Variants in SLC9A9 observed in about 807,000 individuals in gnomAD.
SLC9A9 encodes the protein sodium/hydrogen exchanger 9.
Under a neutral mutation model 77.8 loss-of-function variants are expected in SLC9A9, and 62 were observed. The ratio of observed to expected loss-of-function variants is 0.80; its 90% CI spans 0.65 to 0.98. SLC9A9 has a LOEUF of 0.98. Ranked by LOEUF, SLC9A9 falls within the 50% of genes least tolerant of loss-of-function variation. SLC9A9 has a pLI of 0.00. For synonymous variants in SLC9A9, 320 were observed against 283.5 expected, an observed-to-expected ratio of 1.13 and a Z score of -1.29; for missense variants, 775 against 774.9, an observed-to-expected ratio of 1.00 and a Z score of 0.00.
chr3:143,524,856 C>T (rs2108616455), intron 9 of SLC9A9, among the ~76,000 whole-genome samples: 1 of 152,294 alleles, frequency 6.6e-6, no homozygotes, highest in South Asian at 2.1e-4. Flanking sequence ...CCTGCCTCTC[C>T]TGTTTTGCTT....
intron 14 of SLC9A9, among the ~76,000 whole-genome samples, chr3:143,299,329 G>A (rs751859301): frequency 1.5e-4 from 23 of 152,180 alleles, no homozygotes; most frequent in Non-Finnish European, 2.8e-4. Context: ...CTGTATAGGA[G>A]CTCTGAGCAA....
At position 143,452,700 on chromosome 3, in the gene SLC9A9, AAT is replaced by A. The variant is rs1559923326; in HGVS notation, c.1469+14335_1469+14336del. Among the ~76,000 whole-genome samples, 7 of 148,142 alleles carry A rather than the reference AAT, an allele frequency of 4.7e-5. No individual in the cohort carries two copies. In the East Asian group the frequency reaches 1.3e-3, roughly 26 times the overall value. On this transcript the variant is annotated intron_variant, in intron 12 of 15. Coordinates refer to ENST00000316549, the MANE Select transcript of SLC9A9 (RefSeq NM_173653.4). ...AGAGAATGTCCTTATTTCTAGGTGCAATGACGGTACTTTGGTTATCTAAGAGA... is the reference window on the plus strand; with the variant it reads ...AGAGAATGTCCTTATTTCTAGGTGCAGACGGTACTTTGGTTATCTAAGAGA...
At chr3:143,413,220 C>A (rs1341713555) in intron 12 of SLC9A9, among the ~76,000 whole-genome samples, 1 of 152,164 alleles carries the variant, frequency 6.6e-6, no homozygotes, top group Non-Finnish European at 1.5e-5. Context: ...CAGAAGATGG[C>A]TGACTTAGGA....
intron 12 of SLC9A9, among the ~76,000 whole-genome samples, chr3:143,430,189 G>A (rs2034485668): frequency 6.6e-6 from 1 of 152,162 alleles, no homozygotes; most frequent in African/African-American, 2.4e-5. Flanking sequence ...AAGAGAGATA[G>A]GCACCTGGGA....
At chr3:143,334,263 C>T (rs560450317) in intron 14 of SLC9A9, among the ~76,000 whole-genome samples, 1 of 152,166 alleles carries the variant, frequency 6.6e-6, no homozygotes, top group Non-Finnish European at 1.5e-5. Context: ...CCTATAGGTG[C>T]TCAGTCATGG....
chr3:143,480,486 G>A (rs838638), intron 11 of SLC9A9, among the ~76,000 whole-genome samples: 110,143 of 152,152 alleles, frequency 0.72, 40,018 homozygotes, highest in African/African-American at 0.77. Context: ...TTCATTATCC[G>A]AGATGACTTT....
At chr3:143,407,931 G>A (rs2034013919) in intron 12 of SLC9A9, among the ~76,000 whole-genome samples, 2 of 152,308 alleles carry the variant, frequency 1.3e-5, no homozygotes, top group Middle Eastern at 3.4e-3. Flanking sequence ...ACAGAAATTT[G>A]TTTCTCACAG....
At chr3:143,400,130 G>T (rs560484381) in intron 12 of SLC9A9, among the ~76,000 whole-genome samples, 6 of 152,074 alleles carry the variant, frequency 3.9e-5, no homozygotes, top group Non-Finnish European at 7.4e-5. Flanking sequence ...GTGAAAAAAC[G>T]TGCAGCTGGA....
chr3:143,837,765 G>T (rs1356190142), intron 1 of SLC9A9, among the ~76,000 whole-genome samples: 1 of 152,166 alleles, frequency 6.6e-6, no homozygotes, highest in Non-Finnish European at 1.5e-5. Context: ...TCAATAAGAA[G>T]TGAAGGGAAT....
intron 14 of SLC9A9, among the ~76,000 whole-genome samples, chr3:143,281,602 A>G (rs1938223083): frequency 6.6e-6 from 1 of 152,144 alleles, no homozygotes; most frequent in Non-Finnish European, 1.5e-5. Context: ...GTGACTACAG[A>G]GAGTTAGATT....
chr3:143,494,345 C>A (rs1477434025), intron 10 of SLC9A9, among the ~76,000 whole-genome samples: 2 of 152,188 alleles, frequency 1.3e-5, no homozygotes, highest in East Asian at 3.8e-4. Context: ...AATATTGGCG[C>A]TCTTCATCTT....
At chr3:143,581,722 A>C (rs937919911) in intron 6 of SLC9A9, among the ~76,000 whole-genome samples, 1 of 152,212 alleles carries the variant, frequency 6.6e-6, no homozygotes, top group Non-Finnish European at 1.5e-5. Flanking sequence ...GATGCTAACT[A>C]TAAGGACAAC....
At chr3:143,662,645 G>C (rs1354124677) in intron 5 of SLC9A9, among the ~76,000 whole-genome samples, 1 of 152,126 alleles carries the variant, frequency 6.6e-6, no homozygotes, top group African/African-American at 2.4e-5. Flanking sequence ...TACTCCAGGA[G>C]ATTATATCCT....
chr3:143,838,951 G>C (rs898537593), intron 1 of SLC9A9, among the ~76,000 whole-genome samples: 3 of 152,034 alleles, frequency 2.0e-5, no homozygotes, highest in Admixed American at 2.0e-4. Flanking sequence ...TTTTATAAAA[G>C]TCTCTTTTAG....
At chr3:143,655,237 A>G (rs2038867698) in intron 5 of SLC9A9, among the ~76,000 whole-genome samples, 1 of 152,210 alleles carries the variant, frequency 6.6e-6, no homozygotes. Context: ...GACTCTCTGC[A>G]GCACCTCCGC....
intron 6 of SLC9A9, among the ~76,000 whole-genome samples, chr3:143,594,728 T>A (rs2037724484): frequency 6.6e-6 from 1 of 151,932 alleles, no homozygotes. Context: ...TATCTGCACA[T>A]TTTCTTGGCT....
chr3:143,767,487 G>A (rs1372043740), intron 4 of SLC9A9, among the ~76,000 whole-genome samples: 5 of 151,668 alleles, frequency 3.3e-5, no homozygotes, highest in East Asian at 3.9e-4. Flanking sequence ...ACGGACAAAT[G>A]TCTTGTTAAC....
At chr3:143,815,269 T>C (rs1331368574) in intron 2 of SLC9A9, among the ~76,000 whole-genome samples, 1 of 152,182 alleles carries the variant, frequency 6.6e-6, no homozygotes, top group Non-Finnish European at 1.5e-5. Flanking sequence ...AAAAGCACTC[T>C]TCCATTTCTC....
chr3:143,485,762 A>C (rs907302245), intron 11 of SLC9A9, among the ~76,000 whole-genome samples: 1 of 152,136 alleles, frequency 6.6e-6, no homozygotes, highest in African/African-American at 2.4e-5. Context: ...AACAGAAACT[A>C]TCCCTGAAAA....
Sources: gnomAD v4.1 joint callset for allele counts (sites outside exome capture counted in the v4.1 genomes callset) on GRCh38, gnomAD v4.1.1 for gene constraint, MANE v1.5 for transcripts, NCBI Gene and HGNC (gene_info 2026-07-23, HGNC 2026-07-21) for gene names.